Variants in SNX25 observed in about 807,000 individuals in gnomAD.
SNX25 encodes sorting nexin-25.
A neutral mutation model predicts 113.7 loss-of-function variants in SNX25; 62 were observed. That is an observed-to-expected ratio of 0.55 (90% CI 0.44 to 0.67). SNX25 has a LOEUF of 0.67. SNX25 is among the 30% of genes least tolerant of loss of function. The probability of loss-of-function intolerance (pLI) is 0.00; values close to 1 mark genes in which losing one functional copy is unlikely to be tolerated. For synonymous variants in SNX25, 421 were observed against 436.2 expected, an observed-to-expected ratio of 0.97 and a Z score of 0.43; for missense variants, 1,014 against 1,161.0, an observed-to-expected ratio of 0.87 and a Z score of 1.84.
intron 1 of SNX25, among the ~76,000 whole-genome samples, chr4:185,228,751 T>C (rs890488293): frequency 1.3e-5 from 2 of 152,122 alleles, no homozygotes; most frequent in African/African-American, 2.4e-5. Context: ...AAAAACATCA[T>C]TGGAGAGAAT....
intron 1 of SNX25, among the ~76,000 whole-genome samples, chr4:185,233,112 C>T (rs897710218): frequency 4.6e-5 from 7 of 151,900 alleles, no homozygotes; most frequent in African/African-American, 1.2e-4. Flanking sequence ...GGTGAAACCC[C>T]GTCTCTACTA....
chr4:185,311,332 A>C (rs1035972824), intron 7 of SNX25, among the ~76,000 whole-genome samples: 1 of 152,228 alleles, frequency 6.6e-6, no homozygotes, highest in African/African-American at 2.4e-5. Context: ...CTGGTTTGCA[A>C]ATGTGAGTGC....
At chr4:185,353,723 T>C (rs1481283111) in intron 15 of SNX25, 121 bp downstream of exon 15, 2 of 862,818 alleles carry the variant, frequency 2.3e-6, no homozygotes, top group Admixed American at 3.7e-5. Flanking sequence ...TTTATATTCA[T>C]GCATCCATTC....
chr4:185,270,079 C>CAAA (rs35691426), intron 5 of SNX25, among the ~76,000 whole-genome samples: 1 of 123,464 alleles, frequency 8.1e-6, no homozygotes, highest in Non-Finnish European at 1.7e-5. Flanking sequence ...AGAAGTAGCT[C>CAAA]AAAAAAAAAA....
rs1192900776 is a variant in SNX25 at position 185,210,872 on chromosome 4, T to C, written c.429+617T>C. On this transcript the variant is annotated intron_variant, in intron 1 of 18. Transcript: ENST00000652585. The surrounding 1 kb of genome is among the most constrained non-coding windows in gnomAD (Gnocchi z 4.4). The stretch of plus-strand genomic sequence containing the variant: ...CTGGTTTGCAACAAAAGGAAAGCCA[T>C]CCTCAGCGCGCTGTGGGACACTAGG... Among the ~76,000 whole-genome samples, 1 of 151,988 alleles carries C rather than the reference T, an allele frequency of 6.6e-6. No homozygotes were observed. Among genetic ancestry groups the C allele is most frequent in the Admixed American group, 6.6e-5 (1 of 15,244 alleles).
Position 185,342,047 on chromosome 4 carries a change from T to A in SNX25, c.2118T>A (p.Val706=). Residue 706 remains valine, a synonymous_variant, in exon 12 of 19, where the codon GTT becomes GTA. Coordinates refer to ENST00000652585, the MANE Select transcript of SNX25 (RefSeq NM_001378034.2). The part of the protein sequence containing the change: ...VMVSLQEVGG[V]ETKNWTVPRR... ...TAAGCCTACAAGAAGTTGGAGGAGT[T>A]GAAACTAAGAACTGGACGGTCCCCA... 1 of 1,611,154 alleles carries A rather than the reference T, an allele frequency of 6.2e-7. No homozygotes were observed. The highest frequency in any genetic ancestry group is 1.1e-5 in the South Asian group (1 of 90,398).
intron 6 of SNX25, among the ~76,000 whole-genome samples, chr4:185,304,750 C>A (rs775997137): frequency 3.3e-5 from 5 of 152,074 alleles, no homozygotes; most frequent in Admixed American, 6.5e-5. Flanking sequence ...CAGCCCTGCA[C>A]AGTGCTGGTA....
intron 12 of SNX25, among the ~76,000 whole-genome samples, chr4:185,342,320 T>C (rs941947292): frequency 1.3e-5 from 2 of 152,242 alleles, no homozygotes; most frequent in South Asian, 4.1e-4. Flanking sequence ...GGTCTGATTT[T>C]CATTGTAAAT....
chr4:185,266,208 A>G (rs1272685143), intron 4 of SNX25, among the ~76,000 whole-genome samples: 2 of 152,156 alleles, frequency 1.3e-5, no homozygotes, highest in African/African-American at 4.8e-5. Flanking sequence ...TAATAGTGTC[A>G]TTGACTTTTT....
downstream of SNX25, chr4:185,365,207 A>G (rs893864217): frequency 4.6e-5 from 7 of 152,146 alleles, no homozygotes; most frequent in Non-Finnish European, 8.8e-5. Context: ...TAAATTCTGC[A>G]TTGGATTTAT....
At chr4:185,229,885 G>GTGA (rs1332274705) in intron 1 of SNX25, among the ~76,000 whole-genome samples, 1 of 152,080 alleles carries the variant, frequency 6.6e-6, no homozygotes, top group Non-Finnish European at 1.5e-5. Context: ...CTGGAGTGCA[G>GTGA]TGATGCAATC....
At chr4:185,322,376 A>G (rs138578431) in intron 8 of SNX25, among the ~76,000 whole-genome samples, 2,219 of 152,174 alleles carry the variant, frequency 0.015, 56 homozygotes, top group African/African-American at 0.05. Context: ...AGGTTGCAGT[A>G]AGCCGAGATC....
intron 1 of SNX25, among the ~76,000 whole-genome samples, chr4:185,240,841 C>T (rs1743797541): frequency 3.6e-5 from 5 of 139,526 alleles, no homozygotes; most frequent in East Asian, 2.2e-4. Context: ...ACTTCTCAGA[C>T]GGGGCGGCCG....
chr4:185,221,918 A>C (rs1490155852), intron 1 of SNX25, among the ~76,000 whole-genome samples: 1 of 152,042 alleles, frequency 6.6e-6, no homozygotes, highest in Non-Finnish European at 1.5e-5. Flanking sequence ...AGCACCATAT[A>C]CTTCTCCTTC....
chr4:185,352,156 G>C (rs1415567394), intron 14 of SNX25, among the ~76,000 whole-genome samples: 2 of 152,204 alleles, frequency 1.3e-5, no homozygotes, highest in Non-Finnish European at 1.5e-5. Context: ...GGAAAGTATA[G>C]AGCCTGCAGA....
At chr4:185,367,166 A>C (rs767018127), downstream of SNX25, 1 of 1,606,162 alleles carries the variant, frequency 6.2e-7, no homozygotes, top group East Asian at 2.2e-5. Context: ...ATCTTTGTTG[A>C]AATACATTGT....
intron 1 of SNX25, among the ~76,000 whole-genome samples, chr4:185,240,771 GC>G (rs1358173543): frequency 6.6e-6 from 1 of 151,604 alleles, no homozygotes; most frequent in Admixed American, 6.6e-5. Flanking sequence ...CGGAGTGGCT[GC>G]CGAGCGGAGG....
chr4:185,293,594 G>GT (rs1285093160), intron 6 of SNX25, among the ~76,000 whole-genome samples: 1 of 152,144 alleles, frequency 6.6e-6, no homozygotes, highest in Non-Finnish European at 1.5e-5. Context: ...TTGCTAAGAT[G>GT]TTTTGATGTA....
chr4:185,207,338 T>G (rs1297513856), upstream of SNX25, among the ~76,000 whole-genome samples: 1 of 144,710 alleles, frequency 6.9e-6, no homozygotes, highest in Non-Finnish European at 1.5e-5. Flanking sequence ...TGCCTCAGCC[T>G]CCCGAGTAGC....
Sources: allele counts gnomAD v4.1 joint callset (sites outside exome capture counted in the v4.1 genomes callset), GRCh38; gene constraint gnomAD v4.1.1; non-coding constraint Gnocchi (gnomAD v3.1); transcripts MANE v1.5; gene names NCBI Gene and HGNC (gene_info 2026-07-23, HGNC 2026-07-21).